The following CTC1 variants were observed in gnomAD, a reference collection of about 807,000 sequenced individuals.
CTC1 encodes the protein CST complex subunit CTC1.
Under a neutral mutation model 136.3 loss-of-function variants are expected in CTC1, and 91 were observed. The observed-to-expected ratio is 0.67, with a 90% CI of 0.56 to 0.79. The LOEUF is 0.79. Among genes scored for constraint, CTC1 ranks in the 30% least tolerant of loss-of-function variants. The probability of loss-of-function intolerance (pLI) is 0.00; values close to 1 mark genes in which losing one functional copy is unlikely to be tolerated. For missense variants in CTC1, 1,432 were observed against 1,498.1 expected (o/e 0.96, Z 0.73); for synonymous variants, 606 against 613.8 (o/e 0.99, Z 0.19).
At chr17:8,245,582 C>T (rs1597400408) in intron 1 of CTC1, among the ~76,000 whole-genome samples, 1 of 152,236 alleles carries the variant, frequency 6.6e-6, no homozygotes, top group East Asian at 1.9e-4. Flanking sequence ...GATCCCATGG[C>T]TTCAAGGTAA....
chr17:8,236,589 A>G (rs1313001525), intron 5 of CTC1, among the ~76,000 whole-genome samples: 1 of 152,144 alleles, frequency 6.6e-6, no homozygotes, highest in Non-Finnish European at 1.5e-5. Flanking sequence ...AAATACATAA[A>G]TATTCCACTG....
At chr17:8,229,067 T>G in intron 20 of CTC1, 75 bp downstream of exon 20, 1 of 1,523,926 alleles carries the variant, frequency 6.6e-7, no homozygotes, top group Admixed American at 1.8e-5. Flanking sequence ...GGAATTATGC[T>G]AATGTAGAAA....
At chr17:8,236,457 T>C in intron 5 of CTC1, 115 bp from the exon 6 acceptor site, 4 of 1,039,222 alleles carry the variant, frequency 3.8e-6, no homozygotes, top group Non-Finnish European at 5.5e-6. Flanking sequence ...GAGTCTCAAC[T>C]CACCTCTCCA....
chr17:8,229,406 C>A lies in CTC1; in HGVS notation c.3052G>T (p.Gly1018Cys). 6.2e-7 allele frequency: 1 copy of A among 1,613,948 alleles called. No homozygotes were observed. Among genetic ancestry groups the A allele is most frequent in the Admixed American group, 1.7e-5 (1 of 60,014 alleles). The stretch of plus-strand genomic sequence containing the variant: ...GTGGCCTGGAATGGGGACTGACCAC[C>A]CTGCAGAAGTTCAGCCAGGTAGATG... ...PHIYLAELLQ[G>C]GQSPFQATAS... is the part of the protein sequence containing the mutation. Residue 1018 changes from glycine (G) to cysteine (C), a missense_variant, in exon 19 of 23, where the codon GGT becomes TGT. Gly to Cys is a radical substitution (Grantham distance 159). Coordinates refer to ENST00000651323, the MANE Select transcript of CTC1 (RefSeq NM_025099.6).
At chr17:8,236,756 A>C (rs1987762610) in intron 5 of CTC1, among the ~76,000 whole-genome samples, 1 of 152,200 alleles carries the variant, frequency 6.6e-6, no homozygotes, top group Non-Finnish European at 1.5e-5. Flanking sequence ...ATTTCTACAA[A>C]ATACATATAT....
In CTC1 at chr17:8,226,410, A is replaced by G. The variant is rs1221265421; in HGVS notation, c.*1770T>C. ...TTTCTAGAACTAATTTGGTAACTCAACTGGCTCTTGCATCACTTGTCCATT... is the reference window on the plus strand; with the variant it reads ...TTTCTAGAACTAATTTGGTAACTCAGCTGGCTCTTGCATCACTTGTCCATT... On this transcript the variant is annotated 3_prime_UTR_variant, in exon 23 of 23. Transcript: ENST00000651323. 6.6e-6 allele frequency: 1 copy of G among 152,190 alleles called. No homozygotes were observed. The highest frequency in any genetic ancestry group is 2.4e-5 in the African/African-American group (1 of 41,450). The allele number at this position is 152,190 out of a possible 1,614,324, so 9.4% of individuals were successfully genotyped here.
intron 18 of CTC1, 76 bp from the exon 19 acceptor site, chr17:8,229,522 TCTA>T: frequency 7.3e-7 from 1 of 1,375,384 alleles, no homozygotes; most frequent in Non-Finnish European, 1.0e-6. Flanking sequence ...GCAGGGTGGG[TCTA>T]GAAGGACTTA....
chr17:8,240,981 G>A (rs1197087262), intron 2 of CTC1, among the ~76,000 whole-genome samples: 3 of 151,830 alleles, frequency 2.0e-5, no homozygotes, highest in Non-Finnish European at 4.4e-5. Flanking sequence ...GGTAAACACA[G>A]GCTCAAGATA....
intron 1 of CTC1, chr17:8,247,735 C>T: frequency 2.1e-6 from 1 of 479,354 alleles, no homozygotes; most frequent in South Asian, 2.5e-5. Context: ...CATAGTTCCC[C>T]CATTAACCTG....
chr17:8,227,127 A>T lies in CTC1; in HGVS notation c.*1053T>A, dbSNP rs1158073985. The T allele has an allele frequency of 1.3e-5, 2 of 152,150 alleles. No homozygotes were observed. The highest frequency in any genetic ancestry group is 2.9e-5 in the Non-Finnish European group (2 of 68,016). 9.4% of individuals were successfully genotyped at this position (152,150 alleles called of 1,614,324 possible). Reference sequence around the variant, plus strand: ...GTATTGCTACCATAAAAGCAGCATAAATCCCAACATATGGGTTTAACCACG... The same window carrying T: ...GTATTGCTACCATAAAAGCAGCATATATCCCAACATATGGGTTTAACCACG... On this transcript the variant is annotated 3_prime_UTR_variant, in exon 23 of 23. Coordinates refer to ENST00000651323, the MANE Select transcript of CTC1 (RefSeq NM_025099.6).
At chr17:8,228,691 G>T in intron 21 of CTC1, 36 bp downstream of exon 21, 1 of 1,613,968 alleles carries the variant, frequency 6.2e-7, no homozygotes, top group South Asian at 1.1e-5. Context: ...CCAGGAATTT[G>T]GGTATCCGAG....
chr17:8,241,849 CAAA>C (rs59476896), intron 2 of CTC1, among the ~76,000 whole-genome samples: 2 of 96,346 alleles, frequency 2.1e-5, no homozygotes, highest in African/African-American at 4.4e-5. Context: ...GACCCTGTCT[CAAA>C]AAAAAAAAAA....
intron 11 of CTC1, 129 bp from the exon 12 acceptor site, chr17:8,232,604 C>T: frequency 2.7e-6 from 2 of 740,774 alleles, no homozygotes; most frequent in Non-Finnish European, 4.5e-6. Flanking sequence ...CATGAAAGCC[C>T]ACACCTGACC....
intron 11 of CTC1, 137 bp downstream of exon 11, chr17:8,232,769 G>T: frequency 1.7e-6 from 2 of 1,163,170 alleles, no homozygotes; most frequent in Non-Finnish European, 2.5e-6. Flanking sequence ...TGCCATACAA[G>T]TCTCCCAGAA....
Position 8,231,997 on chromosome 17 carries a change from T to C in CTC1, c.2291A>G (p.Tyr764Cys), listed in dbSNP as rs376729433. 3.3e-5 allele frequency: 53 copies of C among 1,604,996 alleles called. No individual in the cohort carries two copies. Among genetic ancestry groups the C allele is most frequent in the South Asian group, 1.1e-4 (10 of 89,990 alleles). The change falls in exon 13 of 23, where the codon TAT becomes TGT. Residue 764 changes from tyrosine (Y) to cysteine (C), a missense_variant. Tyr to Cys is a radical substitution (Grantham distance 194). Coordinates refer to ENST00000651323, the MANE Select transcript of CTC1 (RefSeq NM_025099.6). The stretch of plus-strand genomic sequence containing the variant: ...GCCCCCAAGCCAGCTCCCCAACACA[T>C]AGAAACTGAGGGCGGGCTTGGGCAC... ...PEVPKPALSF[Y>C]VLGSWLGGTQ...
At chr17:8,247,625 G>T in intron 1 of CTC1, 1 of 189,612 alleles carries the variant, frequency 5.3e-6, no homozygotes, top group East Asian at 1.5e-4. Flanking sequence ...GGCGCTTTTT[G>T]CCTTCTACAC....
chr17:8,239,966 T>G (rs1284726594), intron 2 of CTC1, among the ~76,000 whole-genome samples: 1 of 152,136 alleles, frequency 6.6e-6, no homozygotes, highest in African/African-American at 2.4e-5. Context: ...CTGAGTCTGG[T>G]CAGGCACAAC....
intron 1 of CTC1, among the ~76,000 whole-genome samples, chr17:8,246,965 C>CTTATTTATTTATTTATTTAT (rs147423378): frequency 2.3e-4 from 33 of 141,498 alleles, no homozygotes; most frequent in African/African-American, 7.4e-4. Context: ...TTCTTAACAT[C>CTTATTTATTTATTTATTTAT]TTATTTATTT....
At position 8,231,936 on chromosome 17, in the gene CTC1, G is replaced by T; in HGVS notation, c.2352C>A (p.Pro784=). ...CATTGTCGTCATTTCCCTGGGGCTC[G>T]GGCAGCCCCCATCCAGTACCCTCCT... ...QRKEGTGWGL[P]EPQGNDDNDQ... The change falls in exon 13 of 23, where the codon CCC becomes CCA. Residue 784 remains proline, a synonymous_variant. Transcript: ENST00000651323. The T allele has an allele frequency of 6.2e-7, 1 of 1,612,970 alleles. No individual in the cohort carries two copies. The highest frequency in any genetic ancestry group is 8.5e-7 in the Non-Finnish European group (1 of 1,179,530).
Sources: gnomAD v4.1 joint callset for allele counts (sites outside exome capture counted in the v4.1 genomes callset) on GRCh38, gnomAD v4.1.1 for gene constraint, MANE v1.5 for transcripts, NCBI Gene and HGNC (gene_info 2026-07-23, HGNC 2026-07-21) for gene names.